The following KCTD1 variants were observed in gnomAD, a reference collection of about 807,000 sequenced individuals.
KCTD1 encodes BTB/POZ domain-containing protein KCTD1.
In KCTD1, 24 loss-of-function variants were observed where a neutral mutation model predicts 66.0. The ratio of observed to expected loss-of-function variants is 0.36; its 90% CI spans 0.26 to 0.51. KCTD1 has a LOEUF of 0.51. Ranked by LOEUF, KCTD1 falls within the 20% of genes least tolerant of loss-of-function variation. The pLI is 0.95. For missense variants in KCTD1, 943 were observed against 1,205.2 expected (o/e 0.78, Z 3.22); for synonymous variants, 511 against 517.2 (o/e 0.99, Z 0.16).
intron 1 of KCTD1, among the ~76,000 whole-genome samples, chr18:26,508,095 T>G (rs1363454092): frequency 6.6e-6 from 1 of 152,232 alleles, no homozygotes; most frequent in African/African-American, 2.4e-5. Flanking sequence ...AAAAAAGTGC[T>G]TATTATTTCC....
At chr18:26,624,223 C>T (rs1987450076) in intron 1 of KCTD1, among the ~76,000 whole-genome samples, 1 of 152,168 alleles carries the variant, frequency 6.6e-6, no homozygotes, top group Non-Finnish European at 1.5e-5. Context: ...ACCCCATTTT[C>T]TGGGGAGAAA....
chr18:26,464,761 AG>A (rs758997177), intron 3 of KCTD1, among the ~76,000 whole-genome samples: 17 of 152,146 alleles, frequency 1.1e-4, no homozygotes, highest in African/African-American at 3.9e-4. Flanking sequence ...CCCCAGGCTT[AG>A]GGGGCAGTGG....
At chr18:26,561,189 A>G (rs187803893) in intron 1 of KCTD1, among the ~76,000 whole-genome samples, 339 of 152,356 alleles carry the variant, frequency 2.2e-3, no homozygotes, top group African/African-American at 8.0e-3. Context: ...ACTCTGACCT[A>G]AAATGATACA....
intron 1 of KCTD1, among the ~76,000 whole-genome samples, chr18:26,608,009 A>C (rs1348395701): frequency 1.3e-5 from 2 of 152,056 alleles, no homozygotes; most frequent in African/African-American, 4.8e-5. Flanking sequence ...GACCTCAAGC[A>C]ATCTTCCCAC....
At chr18:26,473,926 CCTCTGTG>C (rs928912076) in intron 3 of KCTD1, among the ~76,000 whole-genome samples, 1 of 152,214 alleles carries the variant, frequency 6.6e-6, no homozygotes, top group African/African-American at 2.4e-5. Context: ...TGATGCAACT[CCTCTGTG>C]CTCTCTTTTC....
upstream of KCTD1, among the ~76,000 whole-genome samples, chr18:26,633,063 C>A (rs1393772696): frequency 1.3e-5 from 2 of 151,874 alleles, no homozygotes; most frequent in Non-Finnish European, 2.9e-5. Context: ...GGGGAATTAC[C>A]TTACGCAACA....
At chr18:26,495,117 G>T (rs555007992) in intron 2 of KCTD1, among the ~76,000 whole-genome samples, 29 of 149,394 alleles carry the variant, frequency 1.9e-4, no homozygotes, top group African/African-American at 6.9e-4. Context: ...TTTTTTTTTT[G>T]GCATTTCTGT....
intron 1 of KCTD1, among the ~76,000 whole-genome samples, chr18:26,611,070 GA>G (rs2144992689): frequency 6.6e-6 from 1 of 152,102 alleles, no homozygotes; most frequent in African/African-American, 2.4e-5. Flanking sequence ...CTCTCCTTTG[GA>G]AACTCTAATT....
At chr18:26,467,444 G>A (rs1299236154) in intron 3 of KCTD1, among the ~76,000 whole-genome samples, 2 of 152,160 alleles carry the variant, frequency 1.3e-5, no homozygotes, top group Non-Finnish European at 2.9e-5. Flanking sequence ...CTTGAACCTG[G>A]GAGGTTGAGA....
intron 2 of KCTD1, among the ~76,000 whole-genome samples, chr18:26,484,672 A>G (rs1295065988): frequency 1.3e-5 from 2 of 152,188 alleles, no homozygotes; most frequent in African/African-American, 4.8e-5. Flanking sequence ...CATTTACTGA[A>G]TGCCCACCAT....
At chr18:26,653,540 C>G (rs1370100193) in intron 1 of KCTD1, among the ~76,000 whole-genome samples, 2 of 152,224 alleles carry the variant, frequency 1.3e-5, no homozygotes, top group East Asian at 3.8e-4. Context: ...GCCTCTCTGT[C>G]TGGACTATAA....
intron 1 of KCTD1, among the ~76,000 whole-genome samples, chr18:26,608,700 C>T (rs2144987467): frequency 6.6e-6 from 1 of 152,184 alleles, no homozygotes; most frequent in African/African-American, 2.4e-5. Flanking sequence ...CCTCCTAAGT[C>T]TTATTGTGCA....
upstream of KCTD1, among the ~76,000 whole-genome samples, chr18:26,643,812 A>G (rs1345869166): frequency 1.3e-5 from 2 of 152,162 alleles, no homozygotes; most frequent in Non-Finnish European, 2.9e-5. Flanking sequence ...AATACAAAAA[A>G]TTAGCCGGGC....
intron 1 of KCTD1, among the ~76,000 whole-genome samples, chr18:26,646,006 A>G (rs1011462580): frequency 6.6e-6 from 1 of 152,220 alleles, no homozygotes; most frequent in African/African-American, 2.4e-5. Flanking sequence ...CTATTTGGTA[A>G]GGGGTTGGAT....
chr18:26,463,541 GTT>G (rs60244592), intron 3 of KCTD1, among the ~76,000 whole-genome samples: 3,196 of 146,730 alleles, frequency 0.022, 48 homozygotes, highest in Middle Eastern at 0.076. Context: ...TTAGAATACG[GTT>G]TTTTTTTTTT....
intron 1 of KCTD1, among the ~76,000 whole-genome samples, chr18:26,645,783 C>T (rs9960940): frequency 0.038 from 5,825 of 151,856 alleles, 380 homozygotes; most frequent in African/African-American, 0.13. Flanking sequence ...TGCGGTCCCT[C>T]GGACAGCAGC....
At chr18:26,480,068 T>A (rs1003496102) in intron 2 of KCTD1, among the ~76,000 whole-genome samples, 1 of 146,390 alleles carries the variant, frequency 6.8e-6, no homozygotes, top group African/African-American at 2.5e-5. Context: ...TTTTCACTCA[T>A]TGAATCAAGT....
chr18:26,556,667 A>G (rs1985714418), intron 1 of KCTD1, among the ~76,000 whole-genome samples: 1 of 152,196 alleles, frequency 6.6e-6, no homozygotes, highest in Non-Finnish European at 1.5e-5. Flanking sequence ...AGGTTTTTAC[A>G]TTAACACTCT....
intron 1 of KCTD1, among the ~76,000 whole-genome samples, chr18:26,561,693 G>A (rs1183557759): frequency 6.6e-6 from 1 of 152,202 alleles, no homozygotes; most frequent in Admixed American, 6.5e-5. Context: ...CACATGACCA[G>A]CAACTATAAG....
Sources: gnomAD v4.1 joint callset for allele counts (sites outside exome capture counted in the v4.1 genomes callset) on GRCh38, gnomAD v4.1.1 for gene constraint, MANE v1.5 for transcripts, NCBI Gene and HGNC (gene_info 2026-07-23, HGNC 2026-07-21) for gene names.